Variants in RBM41 observed in about 807,000 individuals in gnomAD.
The protein encoded by RBM41 is RNA-binding protein 41.
RBM41 carries 14 observed loss-of-function variants against 30.8 expected under a neutral mutation model. The observed-to-expected ratio is 0.45, with a 90% confidence interval of 0.30 to 0.71. RBM41 has a LOEUF of 0.71. Among genes scored for constraint, RBM41 ranks in the 30% least tolerant of loss-of-function variants. RBM41 has a pLI of 0.08. For missense variants in RBM41, 276 were observed against 326.3 expected, an observed-to-expected ratio of 0.85 and a Z score of 1.19; for synonymous variants, 120 against 110.1, an observed-to-expected ratio of 1.09 and a Z score of -0.56.
chrX:107,112,220 C>A (rs1226197403), intron 5 of RBM41, among the ~76,000 whole-genome samples: 1 of 111,125 alleles, frequency 9.0e-6, no homozygotes, highest in Non-Finnish European at 1.9e-5. Flanking sequence ...TATAAAACAG[C>A]AAAAGATTTG....
At chrX:107,115,082 T>C (rs1201295053) in intron 4 of RBM41, 1 of 347,712 alleles carries the variant, frequency 2.9e-6, no homozygotes, top group South Asian at 5.5e-5. Flanking sequence ...TTAGTATAAA[T>C]GTCAACTTCT....
chrX:107,101,710 T>A (rs1002388635), intron 5 of RBM41, among the ~76,000 whole-genome samples: 1 of 112,360 alleles, frequency 8.9e-6, no homozygotes, highest in Non-Finnish European at 1.9e-5. Flanking sequence ...AACTTTCTGT[T>A]GTTTTAAGCC....
At chrX:107,117,073 G>C (rs1924939789) in intron 1 of RBM41, among the ~76,000 whole-genome samples, 2 of 111,901 alleles carry the variant, frequency 1.8e-5, no homozygotes, top group Non-Finnish European at 3.8e-5. Flanking sequence ...CTTGGCAGCG[G>C]GGGGAGGAGA....
rs1461015465 is a variant in RBM41, at chrX:107,112,816, T to A, written c.595+581A>T. 16 of 323,357 alleles carry A rather than the reference T, an allele frequency of 4.9e-5. No individual in the cohort carries two copies. The Admixed American group carries it at 5.1e-4, about 10-fold the overall frequency. 26.6% of individuals were successfully genotyped at this position (323,357 alleles called of 1,213,427 possible). ...GTTGTGTGATTCCATTTACATGACA[T>A]TTTCTAAAAGATAAAACTACAGTGA... is the stretch of plus-strand genomic sequence containing the variant. On this transcript the variant is annotated intron_variant, in intron 5 of 7. Coordinates refer to ENST00000685964, the MANE Select transcript of RBM41 (RefSeq NM_001324242.2).
chrX:107,061,002 G>C (rs1396604522), downstream of RBM41, among the ~76,000 whole-genome samples: 4 of 111,203 alleles, frequency 3.6e-5, no homozygotes, highest in Admixed American at 9.6e-5. Flanking sequence ...AAAAACATCA[G>C]ACAGACCCTC....
At chrX:107,083,917 GT>G (rs775394889) in intron 6 of RBM41, among the ~76,000 whole-genome samples, 154 of 94,886 alleles carry the variant, frequency 1.6e-3, no homozygotes, top group Middle Eastern at 0.011. Flanking sequence ...CAGAATGTGT[GT>G]TTTTTTTTTT....
In RBM41 at chrX:107,063,381, A is replaced by T. The variant is rs1247469443; in HGVS notation, c.*4146T>A. Among the ~76,000 whole-genome samples the T allele has an allele frequency of 1.8e-5, 2 of 112,354 alleles. No homozygotes were observed. The highest frequency in any genetic ancestry group is 3.8e-5 in the Non-Finnish European group (2 of 53,287). On this transcript the variant is annotated 3_prime_UTR_variant, in exon 8 of 8. Coordinates refer to ENST00000685964, the MANE Select transcript of RBM41 (RefSeq NM_001324242.2). ...TCTTCCATGTTGTAGTATGTGTCAG[A>T]AGTGTTCACCACTCTTCTACTTTTT...
At chrX:107,115,841 A>T in intron 3 of RBM41, 21 bp downstream of exon 3, 1 of 1,149,606 alleles carries the variant, frequency 8.7e-7, no homozygotes, top group Non-Finnish European at 1.2e-6. Flanking sequence ...AACCAACAAA[A>T]AAAAACATTA....
At chrX:107,102,567 A>C (rs982780679) in intron 5 of RBM41, among the ~76,000 whole-genome samples, 1 of 111,177 alleles carries the variant, frequency 9.0e-6, no homozygotes, top group Non-Finnish European at 1.9e-5. Flanking sequence ...TAATGGTGTA[A>C]ATCTCTTGAC....
At chrX:107,105,474 C>T (rs1174559343) in intron 5 of RBM41, among the ~76,000 whole-genome samples, 15 of 108,083 alleles carry the variant, frequency 1.4e-4, no homozygotes, top group Non-Finnish European at 2.5e-4. Context: ...ATGCCATCCC[C>T]ATCAAGCTAC....
chrX:107,085,771 T>C (rs1264130823), intron 6 of RBM41, among the ~76,000 whole-genome samples: 1 of 112,104 alleles, frequency 8.9e-6, no homozygotes, highest in Non-Finnish European at 1.9e-5. Flanking sequence ...TTGTGTTGTT[T>C]GTATTTTTCT....
Position 107,065,989 on chromosome X carries a change from T to A in RBM41, c.*1538A>T, listed in dbSNP as rs887203197. On this transcript the variant is annotated 3_prime_UTR_variant, in exon 8 of 8. Coordinates refer to ENST00000685964, the MANE Select transcript of RBM41 (RefSeq NM_001324242.2). ...TTTCAGGCTGAAGAACTTCCTTTTGTATTTCCAGCAAGTCAGGTCTGCCAG... is the reference window on the plus strand; with the variant it reads ...TTTCAGGCTGAAGAACTTCCTTTTGAATTTCCAGCAAGTCAGGTCTGCCAG... Among the ~76,000 whole-genome samples, 12 of 112,469 alleles carry A rather than the reference T, an allele frequency of 1.1e-4. No individual in the cohort carries two copies. Among genetic ancestry groups the A allele is most frequent in the African/African-American group, 3.9e-4 (12 of 30,990 alleles).
chrX:107,072,838 T>C (rs773173069), intron 6 of RBM41, among the ~76,000 whole-genome samples: 2 of 110,920 alleles, frequency 1.8e-5, no homozygotes, highest in Non-Finnish European at 3.8e-5. Flanking sequence ...AACTGACCCA[T>C]GTATCTACAG....
At chrX:107,070,181 C>T in intron 6 of RBM41, 1 of 320,949 alleles carries the variant, frequency 3.1e-6, no homozygotes, top group South Asian at 2.8e-5. Context: ...TACCCTCCCT[C>T]ACAATATGCT....
chrX:107,095,875 A>G (rs1256972654), intron 5 of RBM41, among the ~76,000 whole-genome samples: 1 of 110,306 alleles, frequency 9.1e-6, no homozygotes, highest in Non-Finnish European at 1.9e-5. Flanking sequence ...CAATTAGCCA[A>G]GCATGGTGGC....
intron 6 of RBM41, among the ~76,000 whole-genome samples, chrX:107,074,321 C>G (rs1936164106): frequency 9.0e-6 from 1 of 110,876 alleles, no homozygotes; most frequent in African/African-American, 3.3e-5. Context: ...GTGCAGCAAT[C>G]AAGACATCGA....
the RBM41 span, among the ~76,000 whole-genome samples, chrX:107,053,873 T>C: frequency 8.9e-6 from 1 of 112,144 alleles, no homozygotes; most frequent in African/African-American, 3.2e-5. Flanking sequence ...ATTTTCCCTG[T>C]CCAATAATGA....
At chrX:107,061,712 G>A (rs756892219), downstream of RBM41, among the ~76,000 whole-genome samples, 188 of 110,869 alleles carry the variant, frequency 1.7e-3, 1 homozygote, top group African/African-American at 5.8e-3. Context: ...CGAAAGTGTC[G>A]AGGTTACTCG....
the RBM41 span, among the ~76,000 whole-genome samples, chrX:107,053,722 C>T: frequency 4.5e-5 from 5 of 110,861 alleles, no homozygotes; most frequent in Admixed American, 9.6e-5. Flanking sequence ...GCTATGTCCC[C>T]GGGTCAGTTG....
Sources: allele counts gnomAD v4.1 joint callset (sites outside exome capture counted in the v4.1 genomes callset), GRCh38; gene constraint gnomAD v4.1.1; transcripts MANE v1.5; gene names NCBI Gene and HGNC (gene_info 2026-07-23, HGNC 2026-07-21).